TMEM200A: variants seen among roughly 807,000 people sequenced by gnomAD.
The protein encoded by TMEM200A is transmembrane protein 200A.
A neutral mutation model predicts 24.3 loss-of-function variants in TMEM200A; 12 were observed. The ratio of observed to expected loss-of-function variants is 0.49; its 90% CI spans 0.32 to 0.80. TMEM200A has a LOEUF of 0.80. TMEM200A is among the 30% of genes least tolerant of loss of function. TMEM200A has a pLI of 0.04. For missense variants in TMEM200A, 545 were observed against 614.4 expected (o/e 0.89, Z 1.19); for synonymous variants, 224 against 224.4 (o/e 1.00, Z 0.02).
chr6:130,383,111 A>G (rs1778639245), intron 1 of TMEM200A: 1 of 969,440 alleles, frequency 1.0e-6, no homozygotes, highest in African/African-American at 1.8e-5. Flanking sequence ...GTCACATTCA[A>G]TTGAATTAGG....
chr6:130,395,236 A>G (rs1312789380), intron 2 of TMEM200A, among the ~76,000 whole-genome samples: 1 of 152,198 alleles, frequency 6.6e-6, no homozygotes, highest in Non-Finnish European at 1.5e-5. Flanking sequence ...ATTGCTTATA[A>G]TTCTTCTAGC....
At chr6:130,413,434 TC>T (rs1158787681) in intron 2 of TMEM200A, among the ~76,000 whole-genome samples, 3 of 152,140 alleles carry the variant, frequency 2.0e-5, no homozygotes, top group African/African-American at 7.2e-5. Flanking sequence ...AACTCATGAT[TC>T]CCAATACTGA....
chr6:130,420,875 C>A (rs779797057), intron 2 of TMEM200A, among the ~76,000 whole-genome samples: 20 of 152,016 alleles, frequency 1.3e-4, no homozygotes, highest in Non-Finnish European at 2.6e-4. Context: ...TTTCTTCTTC[C>A]ATCCTTCATG....
At chr6:130,398,293 C>T (rs186319689) in intron 2 of TMEM200A, among the ~76,000 whole-genome samples, 25 of 152,198 alleles carry the variant, frequency 1.6e-4, no homozygotes, top group Admixed American at 1.3e-3. Context: ...TTGCAAAGGA[C>T]ATTATTTAAT....
intron 1 of TMEM200A, among the ~76,000 whole-genome samples, chr6:130,383,466 T>G (rs1345503830): frequency 6.6e-6 from 1 of 152,190 alleles, no homozygotes; most frequent in Non-Finnish European, 1.5e-5. Flanking sequence ...GTTTGAAAAC[T>G]TGAATGTCTG....
intron 2 of TMEM200A, among the ~76,000 whole-genome samples, chr6:130,389,121 T>C (rs1778777979): frequency 6.6e-6 from 1 of 152,202 alleles, no homozygotes; most frequent in South Asian, 2.1e-4. Flanking sequence ...ATTCGAACTA[T>C]AGATTGTTAG....
rs564700115 is a variant in TMEM200A at position 130,422,518 on chromosome 6, C to A, written c.-16-17889C>A. On this transcript the variant is annotated intron_variant, in intron 2 of 2. Coordinates refer to ENST00000296978, the MANE Select transcript of TMEM200A (RefSeq NM_001258277.2). ...CCTACCTCAAGTGATCTGCCTGCCTCGGCCTCCCAAAGTGCTAGGATTACA... is the reference window on the plus strand; with the variant it reads ...CCTACCTCAAGTGATCTGCCTGCCTAGGCCTCCCAAAGTGCTAGGATTACA... 2.0e-5 allele frequency among the ~76,000 whole-genome samples: 3 copies of A among 152,126 alleles called. No individual in the cohort carries two copies. The South Asian group carries it at 6.2e-4, about 31-fold the overall frequency.
intron 1 of TMEM200A, among the ~76,000 whole-genome samples, chr6:130,380,674 C>T (rs1298106783): frequency 1.3e-5 from 2 of 152,172 alleles, no homozygotes; most frequent in African/African-American, 4.8e-5. Context: ...CAGTGAAATA[C>T]ATAGCAGAGA....
At chr6:130,417,090 ATTGT>A (rs1033188988) in intron 2 of TMEM200A, among the ~76,000 whole-genome samples, 7 of 152,170 alleles carry the variant, frequency 4.6e-5, no homozygotes, top group South Asian at 2.1e-4. Context: ...CATATGTATA[ATTGT>A]TTGTTTAATT....
intron 2 of TMEM200A, among the ~76,000 whole-genome samples, chr6:130,393,342 C>T (rs180986623): frequency 6.6e-6 from 1 of 152,248 alleles, no homozygotes; most frequent in East Asian, 1.9e-4. Flanking sequence ...TTAATTCTGA[C>T]AATAGAGTGC....
At chr6:130,393,110 A>G (rs1382399727) in intron 2 of TMEM200A, among the ~76,000 whole-genome samples, 3 of 152,244 alleles carry the variant, frequency 2.0e-5, no homozygotes, top group African/African-American at 7.2e-5. Flanking sequence ...GAAACCATGC[A>G]GGCATCTCTG....
At chr6:130,365,593 G>A (rs1778115537), upstream of TMEM200A, 1 of 985,350 alleles carries the variant, frequency 1.0e-6, no homozygotes, top group African/African-American at 1.7e-5. Context: ...AGCCGCTCCG[G>A]AGAACTGGGG....
In TMEM200A at chr6:130,441,343, C is replaced by A; in HGVS notation, c.921C>A (p.Asn307Lys). 1 of 1,614,130 alleles carries A rather than the reference C, an allele frequency of 6.2e-7. No individual in the cohort carries two copies. ...TTATTGATGAGCCCAGTATAGATAA[C>A]ATCACTGAAGATGCTGACAACCTCA... Reference protein sequence around the residue: ...NCVIDEPSIDNITEDADNLKS... With the variant: ...NCVIDEPSIDKITEDADNLKS... Residue 307 changes from asparagine to lysine, a missense_variant, in exon 3 of 3, where the codon AAC becomes AAA. Coordinates refer to ENST00000296978, the MANE Select transcript of TMEM200A (RefSeq NM_001258277.2).
intron 2 of TMEM200A, among the ~76,000 whole-genome samples, chr6:130,392,283 G>A (rs550268371): frequency 6.6e-6 from 1 of 152,296 alleles, no homozygotes; most frequent in Middle Eastern, 3.4e-3. Context: ...TTGAATAAAA[G>A]TAGATGTTAT....
chr6:130,380,486 C>T (rs1778571772), intron 1 of TMEM200A, among the ~76,000 whole-genome samples: 1 of 152,188 alleles, frequency 6.6e-6, no homozygotes, highest in African/African-American at 2.4e-5. Context: ...TAGCAGAAGA[C>T]TCTGAGGGCT....
intron 2 of TMEM200A, among the ~76,000 whole-genome samples, chr6:130,429,113 A>C (rs920641675): frequency 6.6e-6 from 1 of 152,218 alleles, no homozygotes; most frequent in Non-Finnish European, 1.5e-5. Context: ...CCATATATTT[A>C]TGTATAGATT....
chr6:130,427,897 GCT>G, intron 2 of TMEM200A, among the ~76,000 whole-genome samples: 1 of 151,930 alleles, frequency 6.6e-6, no homozygotes, highest in Admixed American at 6.6e-5. Context: ...CTCTTGGCTT[GCT>G]ATCTCTAACA....
intron 2 of TMEM200A, among the ~76,000 whole-genome samples, chr6:130,392,744 C>T (rs1358792088): frequency 1.3e-5 from 2 of 152,172 alleles, no homozygotes; most frequent in Admixed American, 6.5e-5. Context: ...ACAAGCAACA[C>T]CTAACCACCC....
intron 2 of TMEM200A, among the ~76,000 whole-genome samples, chr6:130,418,064 C>A (rs1221902398): frequency 6.6e-6 from 1 of 152,130 alleles, no homozygotes; most frequent in East Asian, 1.9e-4. Flanking sequence ...CTCCTGCAGA[C>A]CTTCACTAGT....
Sources: allele counts gnomAD v4.1 joint callset (sites outside exome capture counted in the v4.1 genomes callset), GRCh38; gene constraint gnomAD v4.1.1; transcripts MANE v1.5; gene names NCBI Gene and HGNC (gene_info 2026-07-23, HGNC 2026-07-21).